Variants in NYAP2 observed in about 807,000 individuals in gnomAD.
The protein encoded by NYAP2 is neuronal tyrosine-phosphorylated phosphoinositide-3-kinase adaptor 2, also known as neuronal tyrosine-phosphorylated phosphoinositide-3-kinase adapter 2.
In NYAP2, 23 loss-of-function variants were observed where a neutral mutation model predicts 50.4. That is an observed-to-expected ratio of 0.46 (90% CI 0.33 to 0.65). The LOEUF is 0.65. Ranked by LOEUF, NYAP2 falls within the 30% of genes least tolerant of loss-of-function variation. The probability of loss-of-function intolerance (pLI) is 0.02; values close to 1 mark genes in which losing one functional copy is unlikely to be tolerated. For synonymous variants in NYAP2, 394 were observed against 365.2 expected, an observed-to-expected ratio of 1.08 and a Z score of -0.90; for missense variants, 885 against 861.0, an observed-to-expected ratio of 1.03 and a Z score of -0.35.
intron 3 of NYAP2, among the ~76,000 whole-genome samples, chr2:225,489,217 G>A (rs567937249): frequency 4.1e-4 from 61 of 150,544 alleles, no homozygotes; most frequent in African/African-American, 1.3e-3. Context: ...TTTTTTAAGA[G>A]TTTTGCTTTG....
At chr2:225,458,542 G>T (rs1163455569) in intron 3 of NYAP2, among the ~76,000 whole-genome samples, 1 of 152,136 alleles carries the variant, frequency 6.6e-6, no homozygotes, top group Non-Finnish European at 1.5e-5. Context: ...CAAACAAAAG[G>T]AATGCTGCTT....
intron 4 of NYAP2, among the ~76,000 whole-genome samples, chr2:225,551,515 A>G (rs954185659): frequency 6.6e-6 from 1 of 152,192 alleles, no homozygotes; most frequent in Non-Finnish European, 1.5e-5. Flanking sequence ...GACAAACCCC[A>G]AGGCAGTGAG....
intron 4 of NYAP2, among the ~76,000 whole-genome samples, chr2:225,535,987 C>T (rs1408601194): frequency 3.9e-5 from 6 of 152,144 alleles, no homozygotes; most frequent in Non-Finnish European, 8.8e-5. Context: ...CTGTTGATTA[C>T]ATTTACATTT....
chr2:225,406,527 A>G lies in NYAP2; in HGVS notation c.-17-2337A>G, dbSNP rs367598423. Reference sequence around the variant, plus strand: ...TCTAGAGGGACACAATTCTGCCTTCATTAGGGCTTTTCATAACACGTGCTC... The same window carrying G: ...TCTAGAGGGACACAATTCTGCCTTCGTTAGGGCTTTTCATAACACGTGCTC... On this transcript the variant is annotated intron_variant, in intron 2 of 6. Coordinates refer to ENST00000636099, the Ensembl canonical transcript of NYAP2. Among the ~76,000 whole-genome samples the G allele has an allele frequency of 4.1e-4, 63 of 152,068 alleles. 2 individuals are homozygous for G. The East Asian group carries it at 8.1e-3, about 20-fold the overall frequency.
At chr2:225,603,915 G>A (rs949615841) in intron 5 of NYAP2, among the ~76,000 whole-genome samples, 3 of 152,004 alleles carry the variant, frequency 2.0e-5, no homozygotes, top group Non-Finnish European at 4.4e-5. Flanking sequence ...AACCCTCTGA[G>A]ACCTTCATTT....
intron 3 of NYAP2, among the ~76,000 whole-genome samples, chr2:225,483,177 A>C (rs1375168755): frequency 6.6e-6 from 1 of 152,212 alleles, no homozygotes; most frequent in Non-Finnish European, 1.5e-5. Flanking sequence ...TGTTTTAAGA[A>C]GGTAGATCTT....
chr2:225,413,106 C>A (rs1204785824), intron 3 of NYAP2, among the ~76,000 whole-genome samples: 2 of 152,110 alleles, frequency 1.3e-5, no homozygotes, highest in African/African-American at 4.8e-5. Flanking sequence ...CTCCCTCCCC[C>A]AACATATTTT....
At position 225,573,820 on chromosome 2, in the gene NYAP2, C is replaced by T. The variant is rs1692120728; in HGVS notation, c.524-8121C>T. On this transcript the variant is annotated intron_variant, in intron 4 of 6. Coordinates refer to ENST00000636099, the Ensembl canonical transcript of NYAP2. The stretch of plus-strand genomic sequence containing the variant: ...GGCTCTCAAGATAGAGGAAGTGAAT[C>T]CTGCCAGTCCTCTTACATCTAAGAC... 1.3e-5 allele frequency among the ~76,000 whole-genome samples: 2 copies of T among 152,146 alleles called. 1 individual carries two copies. Among genetic ancestry groups the T allele is most frequent in the Admixed American group, 1.3e-4 (2 of 15,282 alleles).
chr2:225,665,517 C>T, the NYAP2 span, among the ~76,000 whole-genome samples: 4 of 150,828 alleles, frequency 2.7e-5, no homozygotes, highest in Admixed American at 1.3e-4. Context: ...TCATGAGCTG[C>T]GTGAAGATTT....
chr2:225,643,971 G>C (rs1693580903), intron 6 of NYAP2, among the ~76,000 whole-genome samples: 1 of 148,548 alleles, frequency 6.7e-6, no homozygotes, highest in African/African-American at 2.5e-5. Context: ...TAATGGGATG[G>C]CTGGGTCAAA....
chr2:225,399,082 T>A (rs1199857900), upstream of NYAP2, among the ~76,000 whole-genome samples: 1 of 152,014 alleles, frequency 6.6e-6, no homozygotes, highest in Non-Finnish European at 1.5e-5. Context: ...AAAACACTCT[T>A]GGGAAAACCA....
chr2:225,461,491 C>CTGAG (rs750349589), intron 3 of NYAP2, among the ~76,000 whole-genome samples: 1 of 152,206 alleles, frequency 6.6e-6, no homozygotes, highest in Non-Finnish European at 1.5e-5. Flanking sequence ...TAGTGGAAGA[C>CTGAG]TGAGTGAGTT....
At chr2:225,580,766 T>TAA in intron 4 of NYAP2, among the ~76,000 whole-genome samples, 1 of 143,280 alleles carries the variant, frequency 7.0e-6, no homozygotes, top group African/African-American at 2.6e-5. Context: ...TTAGGCCAGT[T>TAA]AAAAAAAAAA....
upstream of NYAP2, among the ~76,000 whole-genome samples, chr2:225,398,852 T>C (rs1272305483): frequency 1.3e-5 from 2 of 152,056 alleles, no homozygotes; most frequent in Non-Finnish European, 2.9e-5. Flanking sequence ...TCAGGACATG[T>C]AAAATAGAAA....
At chr2:225,466,022 C>G (rs532048386) in intron 3 of NYAP2, among the ~76,000 whole-genome samples, 26 of 152,272 alleles carry the variant, frequency 1.7e-4, no homozygotes, top group Non-Finnish European at 3.2e-4. Flanking sequence ...ATGCCGCTTG[C>G]TAATTTACAT....
At chr2:225,513,221 A>G in intron 3 of NYAP2, 150 bp from the exon 4 acceptor site, 1 of 699,002 alleles carries the variant, frequency 1.4e-6, no homozygotes, top group Non-Finnish European at 2.4e-6. Flanking sequence ...GAATGCTTTC[A>G]TGCTACTTGA....
chr2:225,649,196 A>G (rs957561598), intron 6 of NYAP2, among the ~76,000 whole-genome samples: 7 of 152,204 alleles, frequency 4.6e-5, no homozygotes, highest in Non-Finnish European at 1.0e-4. Context: ...CATGTAATTC[A>G]GTTTATCTGT....
At chr2:225,530,821 G>C (rs1366568579) in intron 4 of NYAP2, among the ~76,000 whole-genome samples, 1 of 152,122 alleles carries the variant, frequency 6.6e-6, no homozygotes, top group Non-Finnish European at 1.5e-5. Context: ...ACATGCAAGA[G>C]CCTAATTGGA....
At chr2:225,509,824 G>T (rs1394617958) in intron 3 of NYAP2, among the ~76,000 whole-genome samples, 1 of 152,176 alleles carries the variant, frequency 6.6e-6, no homozygotes, top group Non-Finnish European at 1.5e-5. Context: ...GATCTCAGTT[G>T]CATACCATCA....
Sources: gnomAD v4.1 joint callset for allele counts (sites outside exome capture counted in the v4.1 genomes callset) on GRCh38, gnomAD v4.1.1 for gene constraint, MANE v1.5 for transcripts, NCBI Gene and HGNC (gene_info 2026-07-23, HGNC 2026-07-21) for gene names.